Variants in SCN10A observed in about 807,000 individuals in gnomAD.
The protein encoded by SCN10A is sodium channel protein type 10 subunit alpha.
In SCN10A, 162 loss-of-function variants were observed where a neutral mutation model predicts 170.7. The observed-to-expected ratio is 0.95, with a 90% CI of 0.84 to 1.08. The LOEUF is 1.08. SCN10A is among the 50% of genes least tolerant of loss of function. The pLI, the probability that SCN10A is intolerant of heterozygous loss-of-function variation, is 0.00. For synonymous variants in SCN10A, 985 were observed against 904.6 expected, an observed-to-expected ratio of 1.09 and a Z score of -1.59; for missense variants, 2,527 against 2,436.9, an observed-to-expected ratio of 1.04 and a Z score of -0.78.
At chr3:38,778,116 G>T (rs1331451081) in intron 4 of SCN10A, among the ~76,000 whole-genome samples, 2 of 151,978 alleles carry the variant, frequency 1.3e-5, no homozygotes, top group African/African-American at 4.8e-5. Context: ...AATTTGAAAA[G>T]ATACAAATCA....
chr3:38,745,545 C>T (rs1441355478), intron 13 of SCN10A, among the ~76,000 whole-genome samples: 1 of 152,194 alleles, frequency 6.6e-6, no homozygotes, highest in Non-Finnish European at 1.5e-5. Context: ...CTAGTGCCAT[C>T]TTACTATCTC....
At chr3:38,805,934 GGACGAAA>G (rs1423886369) in intron 1 of SCN10A, among the ~76,000 whole-genome samples, 2 of 152,168 alleles carry the variant, frequency 1.3e-5, no homozygotes, top group Non-Finnish European at 2.9e-5. Context: ...TTTACAGGGC[GGACGAAA>G]GTGCGTGCGC....
At chr3:38,751,868 AAGGGTCCTTC>A (rs2063750620) in intron 12 of SCN10A, among the ~76,000 whole-genome samples, 1 of 152,116 alleles carries the variant, frequency 6.6e-6, no homozygotes, top group African/African-American at 2.4e-5. Flanking sequence ...GCAGGAAGAG[AAGGGTCCTTC>A]AGTTTTTCTC....
chr3:38,756,578 C>T lies in SCN10A; in HGVS notation c.1290+96G>A, dbSNP rs535193986. 12 of 977,554 alleles carry T rather than the reference C, an allele frequency of 1.2e-5. No individual in the cohort carries two copies. The South Asian group carries it at 1.4e-4, about 11-fold the overall frequency. The allele number at this position is 977,554 out of a possible 1,614,324, so 60.6% of individuals were successfully genotyped here. A position where few individuals can be genotyped will look rare whatever the true frequency, so the allele number is the denominator to read the frequency against. ...GGCAAGATGATTCCTCCTATAGCTC[C>T]CTAAACGGTGCCCTAATTGAAGTGG... On this transcript the variant is annotated intron_variant, in intron 10 of 27. Transcript: ENST00000449082.
intron 1 of SCN10A, among the ~76,000 whole-genome samples, chr3:38,799,712 C>T (rs2064360219): frequency 6.6e-6 from 1 of 151,102 alleles, no homozygotes; most frequent in South Asian, 2.1e-4. Flanking sequence ...ACTTTTGCTT[C>T]TCATATAAAG....
rs1004597744 is a variant in SCN10A, at chr3:38,704,883, T to C, written c.4386+2396A>G. Reference sequence around the variant, plus strand: ...GGCTCCTAAGGGGAGAAGGTGGACATTCCAGGGCCAATAATCTGGCCAAAA... The same window carrying C: ...GGCTCCTAAGGGGAGAAGGTGGACACTCCAGGGCCAATAATCTGGCCAAAA... On this transcript the variant is annotated intron_variant, in intron 26 of 27. Coordinates refer to ENST00000449082, the MANE Select transcript of SCN10A (RefSeq NM_006514.4). Among the ~76,000 whole-genome samples the C allele has an allele frequency of 5.9e-5, 9 of 152,328 alleles. No homozygotes were observed. In the East Asian group the frequency reaches 1.7e-3, roughly 29 times the overall value.
At chr3:38,705,487 C>A (rs752311316) in intron 26 of SCN10A, among the ~76,000 whole-genome samples, 1 of 152,188 alleles carries the variant, frequency 6.6e-6, no homozygotes, top group African/African-American at 2.4e-5. Context: ...GGTCTTCCTG[C>A]CTGACCATCA....
intron 21 of SCN10A, among the ~76,000 whole-genome samples, chr3:38,716,619 A>G (rs752049714): frequency 2.0e-4 from 31 of 152,286 alleles, no homozygotes; most frequent in South Asian, 6.2e-4. Context: ...TATATACAAT[A>G]AAATATATTT....
chr3:38,702,060 T>G lies in SCN10A; in HGVS notation c.4436A>C (p.Asp1479Ala). 6.3e-7 allele frequency: 1 copy of G among 1,591,198 alleles called. No individual in the cohort carries two copies. Among genetic ancestry groups the G allele is most frequent in the Admixed American group, 1.8e-5 (1 of 56,158 alleles). Residue 1479 changes from aspartate (D) to alanine (A), a missense_variant, in exon 27 of 28, where the codon GAC (aspartate) becomes GCC (alanine). Asp to Ala is a moderately radical substitution (Grantham distance 126). Transcript: ENST00000449082. ...VFDIVTRQAF[D>A]ITIMVLICLN... ...GCAGATGAGGACCATGATGGTGATGTCAAAAGCTTGTCTGGTCACGATGTC... is the reference window on the plus strand; with the variant it reads ...GCAGATGAGGACCATGATGGTGATGGCAAAAGCTTGTCTGGTCACGATGTC...
At chr3:38,792,438 G>A (rs949117807) in intron 2 of SCN10A, among the ~76,000 whole-genome samples, 1 of 152,180 alleles carries the variant, frequency 6.6e-6, no homozygotes, top group East Asian at 1.9e-4. Context: ...TGGACAGACA[G>A]CCAATCCTCA....
In SCN10A at chr3:38,725,268, G is replaced by C. The variant is rs2126000012; in HGVS notation, c.3134C>G (p.Pro1045Arg). ...QVERCGDHLT[P>R]RSPGTGTSSE... is the part of the protein sequence containing the mutation. The stretch of plus-strand genomic sequence containing the variant: ...AGATGTTCCAGTGCCTGGGCTCCTG[G>C]GTGTCAGGTGGTCCCCACACCTCTC... The change falls in exon 18 of 28, where the codon CCC becomes CGC. Residue 1045 changes from proline to arginine, a missense_variant. Transcript: ENST00000449082. 1 of 1,600,568 alleles carries C rather than the reference G, an allele frequency of 6.2e-7. No homozygotes were observed. The highest frequency in any genetic ancestry group is 8.5e-7 in the Non-Finnish European group (1 of 1,170,154).
chr3:38,741,390 G>T (rs1005861395), intron 14 of SCN10A, among the ~76,000 whole-genome samples: 3 of 152,144 alleles, frequency 2.0e-5, no homozygotes, highest in African/African-American at 2.4e-5. Context: ...GTCTGTCTGG[G>T]TTCAAATTCT....
At chr3:38,729,934 G>A (rs1044216148) in intron 15 of SCN10A, among the ~76,000 whole-genome samples, 12 of 152,156 alleles carry the variant, frequency 7.9e-5, no homozygotes, top group African/African-American at 2.9e-4. Flanking sequence ...ATGTGATGGG[G>A]GAGAGCGGGT....
chr3:38,717,525 G>C (rs1221911170), intron 21 of SCN10A, among the ~76,000 whole-genome samples: 3 of 152,194 alleles, frequency 2.0e-5, no homozygotes, highest in Non-Finnish European at 4.4e-5. Flanking sequence ...CAGATTTCAG[G>C]CCTCACAGCT....
chr3:38,768,795 T>C (rs1375106931), intron 5 of SCN10A, among the ~76,000 whole-genome samples: 1 of 152,222 alleles, frequency 6.6e-6, no homozygotes, highest in Non-Finnish European at 1.5e-5. Context: ...TGGATATCTA[T>C]ATTTCTAACA....
intron 15 of SCN10A, among the ~76,000 whole-genome samples, chr3:38,730,901 T>G (rs2063507486): frequency 1.3e-5 from 2 of 152,120 alleles, no homozygotes; most frequent in South Asian, 4.1e-4. Context: ...AACATCTATC[T>G]AACCAAAGTC....
chr3:38,736,735 G>C (rs1468437886), intron 15 of SCN10A, among the ~76,000 whole-genome samples: 1 of 152,004 alleles, frequency 6.6e-6, no homozygotes, highest in Non-Finnish European at 1.5e-5. Context: ...TCCCAAGAAA[G>C]TGTGTAGTTG....
chr3:38,720,014 G>C (rs1389894752), intron 20 of SCN10A, among the ~76,000 whole-genome samples: 1 of 152,258 alleles, frequency 6.6e-6, no homozygotes, highest in Non-Finnish European at 1.5e-5. Flanking sequence ...CAGGGACAGT[G>C]ACAGGGGGAT....
chr3:38,787,903 G>T (rs1360694478), intron 4 of SCN10A, among the ~76,000 whole-genome samples: 2 of 150,250 alleles, frequency 1.3e-5, no homozygotes, highest in African/African-American at 4.9e-5. Context: ...ACTTATGAGT[G>T]AGAACATACG....
Sources: gnomAD v4.1 joint callset for allele counts (sites outside exome capture counted in the v4.1 genomes callset) on GRCh38, gnomAD v4.1.1 for gene constraint, MANE v1.5 for transcripts, NCBI Gene and HGNC (gene_info 2026-07-23, HGNC 2026-07-21) for gene names.